AHNAK2: variants seen among roughly 807,000 people sequenced by gnomAD.
AHNAK2 encodes protein AHNAK2.
In AHNAK2, 18 loss-of-function variants were observed where a neutral mutation model predicts 30.7. The observed-to-expected ratio is 0.59, with a 90% confidence interval of 0.41 to 0.87. The LOEUF (loss-of-function observed/expected upper bound fraction) is 0.87. AHNAK2 is among the 40% of genes least tolerant of loss of function. The probability of loss-of-function intolerance (pLI) is 0.00; values close to 1 mark genes in which losing one functional copy is unlikely to be tolerated. For missense variants in AHNAK2, 8,604 were observed against 7,373.0 expected (o/e 1.17, Z -6.11); for synonymous variants, 3,590 against 3,073.8 (o/e 1.17, Z -5.56).
At position 104,942,770 on chromosome 14, in the gene AHNAK2, G is replaced by C. The variant is rs762254626; in HGVS notation, c.12681C>G (p.Pro4227=). The change falls in exon 7 of 7, where the codon CCC becomes CCG. Residue 4227 remains proline (P), a synonymous_variant. Transcript: ENST00000333244. ...PKVQMPCLKM[P]KVALKGPQVD... ...CCTGGGGGCCCTTGAGGGCCACTTT[G>C]GGCATCTTCAAACAGGGCATCTGCA... The C allele has an allele frequency of 1.2e-6, 2 of 1,612,926 alleles. No individual in the cohort carries two copies. Among genetic ancestry groups the C allele is most frequent in the Non-Finnish European group, 1.7e-6 (2 of 1,179,612 alleles).
rs113292060 is a variant in AHNAK2, at chr14:104,959,753, G to A, written c.56-2081C>T. 2.4e-3 allele frequency among the ~76,000 whole-genome samples: 368 copies of A among 152,230 alleles called. 3 individuals carry two copies. Among genetic ancestry groups the A allele is most frequent in the African/African-American group, 8.3e-3 (343 of 41,550 alleles). ...ACAAGATATACTAAAGAAGTCCTTC[G>A]GACTGAAAGGAACTAATACCAGACA... On this transcript the variant is annotated intron_variant, in intron 1 of 6. Transcript: ENST00000333244.
Position 104,948,390 on chromosome 14 carries a change from A to T in AHNAK2, c.7061T>A (p.Leu2354His), listed in dbSNP as rs754215110. ...CTTGAGGTCCCCCTGCATGGAGGGGAGGCTCACGTCGGCCTCCACCTTCAA... is the reference window on the plus strand; with the variant it reads ...CTTGAGGTCCCCCTGCATGGAGGGGTGGCTCACGTCGGCCTCCACCTTCAA... Reference protein sequence around the residue: ...SALKVEADVSLPSMQGDLKTT... With the variant: ...SALKVEADVSHPSMQGDLKTT... The change falls in exon 7 of 7, where the codon CTC becomes CAC. Residue 2354 changes from leucine to histidine, a missense_variant. Transcript: ENST00000333244. The T allele has an allele frequency of 8.7e-6, 14 of 1,611,928 alleles. No individual in the cohort carries two copies. In the Admixed American group the frequency reaches 2.0e-4, roughly 23 times the overall value.
chr14:104,968,151 C>T (rs908679495), intron 1 of AHNAK2, among the ~76,000 whole-genome samples: 2 of 152,224 alleles, frequency 1.3e-5, no homozygotes, highest in African/African-American at 2.4e-5. Context: ...GGCCCCCCAG[C>T]GCCCTGGCCT....
chr14:104,950,781 A>T lies in AHNAK2; in HGVS notation c.4670T>A (p.Val1557Glu), dbSNP rs759505443. Residue 1557 changes from valine (V) to glutamate (E), a missense_variant, in exon 7 of 7, where the codon GTG becomes GAG. Physicochemically the swap from Val to Glu is moderately radical, Grantham distance 121 (BLOSUM62 -2). Coordinates refer to ENST00000333244, the MANE Select transcript of AHNAK2 (RefSeq NM_138420.4). ...SADLEVQAGQ[V>E]DVKLPEGPVS... ...AGGGCCCTCTGGGAGTTTCACGTCC[A>T]CTTGGCCAGCCTGGACCTCCAGGTC... 21 of 1,586,428 alleles carry T rather than the reference A, an allele frequency of 1.3e-5. No individual in the cohort carries two copies. Among genetic ancestry groups the T allele is most frequent in the South Asian group, 1.0e-4 (9 of 89,684 alleles).
rs1292372704 is a variant in AHNAK2 at position 104,942,436 on chromosome 14, C to T, written c.13015G>A (p.Gly4339Arg). The change falls in exon 7 of 7, where the codon GGG becomes AGG. Residue 4339 changes from glycine to arginine, a missense_variant. By Grantham distance (125) the Gly-to-Arg change is moderately radical. Transcript: ENST00000333244. ...CTGAGGTGAGTGGTCTTCAGGTCCCCCTGCATGGAGGGGAGGCTCACGTCA... is the reference window on the plus strand; with the variant it reads ...CTGAGGTGAGTGGTCTTCAGGTCCCTCTGCATGGAGGGGAGGCTCACGTCA... ...EADVSLPSMQ[G>R]DLKTTHLSIQ... The T allele has an allele frequency of 6.2e-7, 1 of 1,613,124 alleles. No individual in the cohort carries two copies. Among genetic ancestry groups the T allele is most frequent in the Non-Finnish European group, 8.5e-7 (1 of 1,179,600 alleles).
chr14:104,970,011 A>T (rs1393047492), intron 1 of AHNAK2, among the ~76,000 whole-genome samples: 2 of 152,068 alleles, frequency 1.3e-5, no homozygotes, highest in Non-Finnish European at 2.9e-5. Context: ...GCACACGGTC[A>T]TCTGAGGACC....
In AHNAK2 at chr14:104,943,105, C is replaced by G. The variant is rs776212766; in HGVS notation, c.12346G>C (p.Glu4116Gln). The change falls in exon 7 of 7, where the codon GAG becomes CAG. Residue 4116 changes from glutamate (E) to glutamine (Q), a missense_variant. Physicochemically the swap from Glu to Gln is conservative, Grantham distance 29. Coordinates refer to ENST00000333244, the MANE Select transcript of AHNAK2 (RefSeq NM_138420.4). Reference sequence around the variant, plus strand: ...TTGTCGGCCAGGGACAGGTCCCCCTCCAGCTGCACACCATCCAGCTTTGCT... The same window carrying G: ...TTGTCGGCCAGGGACAGGTCCCCCTGCAGCTGCACACCATCCAGCTTTGCT... ...PRAKLDGVQL[E>Q]GDLSLADKDV... The G allele has an allele frequency of 8.2e-5, 132 of 1,613,242 alleles. No individual in the cohort carries two copies. Among genetic ancestry groups the G allele is most frequent in the Non-Finnish European group, 1.0e-4 (123 of 1,179,664 alleles).
rs999626185 is a variant in AHNAK2 at position 104,966,248 on chromosome 14, G to A, written c.56-8576C>T. Reference sequence around the variant, plus strand: ...GGCCCCGCCACCTTCCTACTGCTCCGGGGGCCAGGCCCAGACCCCTGGCCT... The same window carrying A: ...GGCCCCGCCACCTTCCTACTGCTCCAGGGGCCAGGCCCAGACCCCTGGCCT... On this transcript the variant is annotated intron_variant, in intron 1 of 6. Transcript: ENST00000333244. The surrounding 1 kb of genome is among the most constrained non-coding windows in gnomAD (Gnocchi z 4.3). Among the ~76,000 whole-genome samples the A allele has an allele frequency of 1.2e-4, 18 of 151,916 alleles. No individual in the cohort carries two copies. Among genetic ancestry groups the A allele is most frequent in the African/African-American group, 3.6e-4 (15 of 41,328 alleles).
rs562722833 is a variant in AHNAK2, at chr14:104,975,964, C to T, written c.55+2219G>A. ...TTCTTGGGAAAGGGCCCAGCCATCT[C>T]ATGACCCCCACCGCAGAGAAGAGAC... On this transcript the variant is annotated intron_variant, in intron 1 of 6. Coordinates refer to ENST00000333244, the MANE Select transcript of AHNAK2 (RefSeq NM_138420.4). Among the ~76,000 whole-genome samples, 370 of 152,344 alleles carry T rather than the reference C, an allele frequency of 2.4e-3. 1 individual carries two copies. The highest frequency in any genetic ancestry group is 8.6e-3 in the African/African-American group (356 of 41,588).
Position 104,942,561 on chromosome 14 carries a change from T to C in AHNAK2, c.12890A>G (p.Lys4297Arg), listed in dbSNP as rs369305710. The C allele has an allele frequency of 2.0e-5, 32 of 1,612,996 alleles. No homozygotes were observed. In the East Asian group the frequency reaches 2.2e-4, roughly 11 times the overall value. Residue 4297 changes from lysine (K) to arginine (R), a missense_variant, in exon 7 of 7, where the codon AAG becomes AGG. Physicochemically the swap from Lys to Arg is conservative, Grantham distance 26 (BLOSUM62 2). Coordinates refer to ENST00000333244, the MANE Select transcript of AHNAK2 (RefSeq NM_138420.4). ...CATCTTGAACTTGGGCATTTTGAAC[T>C]TGCTGTCTTTGGCAGTCATGTCCTT... The part of the protein sequence containing the change: ...ADKDMTAKDS[K>R]FKMPKFKMPS...
In AHNAK2 at chr14:104,946,913, G is replaced by C. The variant is rs182892317; in HGVS notation, c.8538C>G (p.Asp2846Glu). 6 of 1,611,790 alleles carry C rather than the reference G, an allele frequency of 3.7e-6. No homozygotes were observed. In the Admixed American group the frequency reaches 1.0e-4, roughly 27 times the overall value. ...VDVSELKVEA[D>E]GSFPSMQGDL... is the part of the protein sequence containing the mutation. ...CCCCTTGCATGGAGGGGAAGCTCCC[G>C]TCAGCTTCCACCTTCAGCTCAGACA... Residue 2846 changes from aspartate (D) to glutamate (E), a missense_variant, in exon 7 of 7, where the codon GAC becomes GAG. Asp to Glu is a conservative substitution (Grantham distance 45). Coordinates refer to ENST00000333244, the MANE Select transcript of AHNAK2 (RefSeq NM_138420.4).
At chr14:104,963,850 A>AG (rs904797191) in intron 1 of AHNAK2, among the ~76,000 whole-genome samples, 6 of 151,688 alleles carry the variant, frequency 4.0e-5, no homozygotes, top group East Asian at 1.9e-4. Context: ...AGAAAAAAAA[A>AG]AGAGAGAGAG....
In AHNAK2 at chr14:104,939,774, C is replaced by T. The variant is rs754730903; in HGVS notation, c.15677G>A (p.Gly5226Asp). 8 of 1,613,818 alleles carry T rather than the reference C, an allele frequency of 5.0e-6. No homozygotes were observed. Among genetic ancestry groups the T allele is most frequent in the African/African-American group, 4.0e-5 (3 of 75,068 alleles). Residue 5226 changes from glycine (G) to aspartate (D), a missense_variant, in exon 7 of 7, where the codon GGT (glycine) becomes GAT (aspartate). By Grantham distance (94) the Gly-to-Asp change is moderately conservative (BLOSUM62 -1). Coordinates refer to ENST00000333244, the MANE Select transcript of AHNAK2 (RefSeq NM_138420.4). ...CTCTTTGACTTTAGCTGCTGCTTCA[C>T]CCCCTGTTGCTGCCGGTGCCTGTGT... ...AQTQAPAATG[G>D]EAAAKVKEFL...
Position 104,941,095 on chromosome 14 carries a change from G to A in AHNAK2, c.14356C>T (p.Pro4786Ser). Residue 4786 changes from proline to serine, a missense_variant, in exon 7 of 7, where the codon CCC becomes TCC. Physicochemically the swap from Pro to Ser is moderately conservative, Grantham distance 74. Coordinates refer to ENST00000333244, the MANE Select transcript of AHNAK2 (RefSeq NM_138420.4). ...GPHFESSILS[P>S]CEDVTLTKYQ... Reference sequence around the variant, plus strand: ...TTTGTAAGTGTAACATCCTCACAGGGAGAGAGAATAGAAGATTCAAAGTGA... The same window carrying A: ...TTTGTAAGTGTAACATCCTCACAGGAAGAGAGAATAGAAGATTCAAAGTGA... The A allele has an allele frequency of 6.2e-7, 1 of 1,613,720 alleles. No individual in the cohort carries two copies. Among genetic ancestry groups the A allele is most frequent in the Non-Finnish European group, 8.5e-7 (1 of 1,179,892 alleles).
rs772922301 is a variant in AHNAK2 at position 104,953,568 on chromosome 14, C to T, written c.1883G>A (p.Arg628His). Residue 628 changes from arginine to histidine, a missense_variant, in exon 7 of 7, where the codon CGC (arginine) becomes CAC (histidine). Coordinates refer to ENST00000333244, the MANE Select transcript of AHNAK2 (RefSeq NM_138420.4). ...TTTGTCTTTTAATCCTTCCTCTGTG[C>T]GTCTCTGTTCTCTTCTATCAGCTGT... ...TATADRREQR[R>H]TEEGLKDKED... The T allele has an allele frequency of 6.2e-6, 10 of 1,613,940 alleles. No homozygotes were observed. Among genetic ancestry groups the T allele is most frequent in the South Asian group, 3.3e-5 (3 of 91,076 alleles).
Position 104,946,989 on chromosome 14 carries a change from G to A in AHNAK2, c.8462C>T (p.Pro2821Leu), listed in dbSNP as rs369899617. The change falls in exon 7 of 7, where the codon CCG becomes CTG. Residue 2821 changes from proline (P) to leucine (L), a missense_variant. By Grantham distance (98) the Pro-to-Leu change is moderately conservative. Coordinates refer to ENST00000333244, the MANE Select transcript of AHNAK2 (RefSeq NM_138420.4). ...SKFKMPKFKM[P>L]SFGVSAPGKS... ...GCCTGGGGCCGACACCCCGAATGACGGCATCTTGAACTTGGGCATTTTGAA... is the reference window on the plus strand; with the variant it reads ...GCCTGGGGCCGACACCCCGAATGACAGCATCTTGAACTTGGGCATTTTGAA... 3.5e-5 allele frequency: 56 copies of A among 1,612,354 alleles called. No individual in the cohort carries two copies. The Admixed American group carries it at 5.3e-4, about 15-fold the overall frequency.
chr14:104,948,454 G>T lies in AHNAK2; in HGVS notation c.6997C>A (p.Leu2333Ile), dbSNP rs1296562732. 9 of 1,610,612 alleles carry T rather than the reference G, an allele frequency of 5.6e-6. No homozygotes were observed. Among genetic ancestry groups the T allele is most frequent in the Non-Finnish European group, 7.6e-6 (9 of 1,178,576 alleles). ...FKMLSFGVSA[L>I]GKSIEASADV... Reference sequence around the variant, plus strand: ...GCTGAGGCCTCGATGGACTTGCCAAGGGCAGACACCCCAAACGACAGCATC... The same window carrying T: ...GCTGAGGCCTCGATGGACTTGCCAATGGCAGACACCCCAAACGACAGCATC... The change falls in exon 7 of 7, where the codon CTT becomes ATT. Residue 2333 changes from leucine to isoleucine, a missense_variant. Leu to Ile is a conservative substitution (Grantham distance 5). Transcript: ENST00000333244.
At chr14:104,957,184 T>TA (rs1329084052) in intron 3 of AHNAK2, among the ~76,000 whole-genome samples, 3 of 152,130 alleles carry the variant, frequency 2.0e-5, no homozygotes, top group Non-Finnish European at 4.4e-5. Context: ...CATCAGCCCA[T>TA]ACGCATGCTC....
rs537880019 is a variant in AHNAK2 at position 104,959,032 on chromosome 14, TC to T, written c.56-1361del. On this transcript the variant is annotated intron_variant, in intron 1 of 6. Transcript: ENST00000333244. ...AATTTGATATCAAGCAACCTATCCT[TC>T]CAAAAATAAAGGCAAAATAGTCTGG... 9.2e-3 allele frequency among the ~76,000 whole-genome samples: 1,397 copies of T among 152,204 alleles called. 18 individuals carry two copies. Among genetic ancestry groups the T allele is most frequent in the African/African-American group, 0.032 (1,321 of 41,504 alleles).
Sources: gnomAD v4.1 joint callset for allele counts (sites outside exome capture counted in the v4.1 genomes callset) on GRCh38, gnomAD v4.1.1 for gene constraint, Gnocchi (gnomAD v3.1) non-coding constraint, MANE v1.5 for transcripts, NCBI Gene and HGNC (gene_info 2026-07-23, HGNC 2026-07-21) for gene names.